The following CCDC102B variants were observed in gnomAD, a reference collection of about 807,000 sequenced individuals.
The protein encoded by CCDC102B is coiled-coil domain-containing protein 102B.
Under a neutral mutation model 57.4 loss-of-function variants are expected in CCDC102B, and 75 were observed. The observed-to-expected ratio is 1.31, with a 90% CI of 1.08 to 1.58. CCDC102B has a LOEUF of 1.58. Among genes scored for constraint, CCDC102B ranks in the 40% most tolerant of loss-of-function variants. The probability of loss-of-function intolerance (pLI) is 0.00; values close to 1 mark genes in which losing one functional copy is unlikely to be tolerated. For missense variants in CCDC102B, 636 were observed against 582.6 expected (o/e 1.09, Z -0.94); for synonymous variants, 206 against 201.9 (o/e 1.02, Z -0.17).
At chr18:68,878,651 A>C (rs939781770) in intron 5 of CCDC102B, among the ~76,000 whole-genome samples, 1 of 152,184 alleles carries the variant, frequency 6.6e-6, no homozygotes, top group South Asian at 2.1e-4. Context: ...GCAGGTCCGC[A>C]CCAGGTACAA....
chr18:68,831,952 A>G (rs1200039399), intron 1 of CCDC102B, among the ~76,000 whole-genome samples: 1 of 152,170 alleles, frequency 6.6e-6, no homozygotes, highest in African/African-American at 2.4e-5. Context: ...CTGAATATTA[A>G]AAACAGATTC....
At chr18:68,936,824 CATATACAT>C (rs930289869) in intron 6 of CCDC102B, among the ~76,000 whole-genome samples, 7 of 150,512 alleles carry the variant, frequency 4.7e-5, no homozygotes, top group African/African-American at 1.7e-4. Flanking sequence ...CACATATACA[CATATACAT>C]ATATACATAT....
At chr18:68,785,069 T>C (rs1278192793) in intron 2 of CCDC102B, among the ~76,000 whole-genome samples, 1 of 148,718 alleles carries the variant, frequency 6.7e-6, no homozygotes, top group East Asian at 2.0e-4. Context: ...TGAGTGAGAA[T>C]ATGCGGTGTT....
intron 7 of CCDC102B, among the ~76,000 whole-genome samples, chr18:69,049,601 G>A (rs2052653331): frequency 6.6e-6 from 1 of 151,952 alleles, no homozygotes; most frequent in African/African-American, 2.4e-5. Context: ...CCCACCCCAT[G>A]GAAGCCCCAG....
Position 68,874,849 on chromosome 18 carries a change from A to G in CCDC102B, c.1053+64A>G, listed in dbSNP as rs2039382306. The G allele has an allele frequency of 3.8e-6, 4 of 1,051,074 alleles. No individual in the cohort carries two copies. In the Admixed American group the frequency reaches 7.4e-5, roughly 19 times the overall value. The allele number at this position is 1,051,074 out of a possible 1,614,324, so 65.1% of individuals were successfully genotyped here. On this transcript the variant is annotated intron_variant, in intron 5 of 7. Coordinates refer to ENST00000360242, the MANE Select transcript of CCDC102B (RefSeq NM_024781.3). ...ATAACTGACTGTTGTTAAATGCCAT[A>G]CTATTTTAAGTAGGGTAACGGTCGT... is the stretch of plus-strand genomic sequence containing the variant.
chr18:68,923,068 C>T (rs1210215833), intron 6 of CCDC102B, among the ~76,000 whole-genome samples: 1 of 151,954 alleles, frequency 6.6e-6, no homozygotes, highest in East Asian at 1.9e-4. Context: ...GCCCCTGTTT[C>T]CTCCTTTATA....
intron 2 of CCDC102B, among the ~76,000 whole-genome samples, chr18:68,742,612 A>G (rs1304044507): frequency 6.6e-6 from 1 of 152,198 alleles, no homozygotes; most frequent in African/African-American, 2.4e-5. Flanking sequence ...TTAATTGGTC[A>G]TGGGCCACTG....
intron 2 of CCDC102B, among the ~76,000 whole-genome samples, chr18:68,765,293 A>AAAAGAAAGAAAGG (rs2034392440): frequency 9.6e-6 from 1 of 104,110 alleles, no homozygotes; most frequent in African/African-American, 3.9e-5. Flanking sequence ...GAAAAGAAAG[A>AAAAGAAAGAAAGG]AAGGAAGGAA....
At position 69,000,844 on chromosome 18, in the gene CCDC102B, T is replaced by TTA. The variant is rs528295366; in HGVS notation, c.1264-10081_1264-10080dup. On this transcript the variant is annotated intron_variant, in intron 6 of 7. Coordinates refer to ENST00000360242, the MANE Select transcript of CCDC102B (RefSeq NM_024781.3). Reference sequence around the variant, plus strand: ...TTTGTAAGCGAAGTACATTACTTTTTTATATATATAAATAGAATTGCTATA... The same window carrying TTA: ...TTTGTAAGCGAAGTACATTACTTTTTTATATATATATAAATAGAATTGCTATA... Among the ~76,000 whole-genome samples the TTA allele has an allele frequency of 2.9e-3, 443 of 152,284 alleles. 1 individual carries two copies. Among genetic ancestry groups the TTA allele is most frequent in the African/African-American group, 9.9e-3 (412 of 41,560 alleles).
chr18:68,954,220 G>C (rs981819754), intron 6 of CCDC102B, among the ~76,000 whole-genome samples: 21 of 152,246 alleles, frequency 1.4e-4, no homozygotes, highest in African/African-American at 4.8e-4. Flanking sequence ...AGGAGTTTGA[G>C]ACCAGCTTTG....
At chr18:69,053,238 G>C (rs908513009) in intron 7 of CCDC102B, among the ~76,000 whole-genome samples, 1 of 151,266 alleles carries the variant, frequency 6.6e-6, no homozygotes, top group African/African-American at 2.4e-5. Context: ...TAAAAAGCAA[G>C]AATATTACAT....
intron 7 of CCDC102B, among the ~76,000 whole-genome samples, chr18:69,019,805 T>C (rs888480134): frequency 6.6e-6 from 1 of 152,130 alleles, no homozygotes; most frequent in African/African-American, 2.4e-5. Context: ...TTATAACAGA[T>C]CTTGGAAGAA....
intron 2 of CCDC102B, chr18:68,754,637 AAAAG>A (rs1182955356): frequency 6.6e-6 from 1 of 152,232 alleles, no homozygotes; most frequent in Non-Finnish European, 1.5e-5. Flanking sequence ...TATTGAAAAC[AAAAG>A]AAAAGGAAAG....
intron 1 of CCDC102B, among the ~76,000 whole-genome samples, chr18:68,804,517 G>A (rs749638843): frequency 2.0e-5 from 3 of 152,162 alleles, no homozygotes; most frequent in South Asian, 2.1e-4. Context: ...GTGTTGGAGC[G>A]CTTGCAGTCA....
At chr18:68,807,056 A>T (rs1599489159) in intron 1 of CCDC102B, among the ~76,000 whole-genome samples, 1 of 152,284 alleles carries the variant, frequency 6.6e-6, no homozygotes, top group African/African-American at 2.4e-5. Flanking sequence ...GGGGGAACAC[A>T]TATGAGTTTG....
intron 1 of CCDC102B, among the ~76,000 whole-genome samples, chr18:68,825,161 A>C (rs1037423963): frequency 6.6e-6 from 1 of 152,212 alleles, no homozygotes; most frequent in African/African-American, 2.4e-5. Context: ...ATATTGAGAG[A>C]CATTAAAATG....
chr18:68,798,060 T>A (rs1372936355), upstream of CCDC102B: 1 of 152,080 alleles, frequency 6.6e-6, no homozygotes, highest in Non-Finnish European at 1.5e-5. Flanking sequence ...CCCTTAATGC[T>A]GGAAATAATC....
chr18:68,989,775 C>A (rs1418466084), intron 6 of CCDC102B, among the ~76,000 whole-genome samples: 1 of 152,186 alleles, frequency 6.6e-6, no homozygotes, highest in African/African-American at 2.4e-5. Flanking sequence ...GCTACTGTTT[C>A]GGTCGTGGGT....
chr18:68,733,958 G>C (rs1159458604), intron 2 of CCDC102B, among the ~76,000 whole-genome samples: 1 of 152,118 alleles, frequency 6.6e-6, no homozygotes, highest in Non-Finnish European at 1.5e-5. Context: ...GCGTTTCTGC[G>C]TTTCCAGGAG....
Sources: gnomAD v4.1 joint callset for allele counts (sites outside exome capture counted in the v4.1 genomes callset) on GRCh38, gnomAD v4.1.1 for gene constraint, MANE v1.5 for transcripts, NCBI Gene and HGNC (gene_info 2026-07-23, HGNC 2026-07-21) for gene names.